The following NCAM1 variants were observed in gnomAD, a reference collection of about 807,000 sequenced individuals.
NCAM1 encodes antigen recognized by monoclonal antibody 5.1H11.
A neutral mutation model predicts 109.8 loss-of-function variants in NCAM1; 14 were observed. The observed-to-expected ratio is 0.13, with a 90% CI of 0.08 to 0.20. NCAM1 has a LOEUF of 0.20. Among genes scored for constraint, NCAM1 ranks in the 10% least tolerant of loss-of-function variants. The probability of loss-of-function intolerance (pLI) is 1.00; values close to 1 mark genes in which losing one functional copy is unlikely to be tolerated. For missense variants in NCAM1, 774 were observed against 1,109.9 expected (o/e 0.70, Z 4.30); for synonymous variants, 418 against 442.9 (o/e 0.94, Z 0.70).
rs182563073 is a variant in NCAM1 at position 113,119,178 on chromosome 11, G to C, written c.53-83201G>C. ...GAGAGAAAGACGCTCTGAAAACTCA[G>C]GCCACTTAGAGGGTTGGGGAGTTCT... On this transcript the variant is annotated intron_variant, in intron 1 of 19. Coordinates refer to ENST00000316851, the MANE Select transcript of NCAM1 (RefSeq NM_181351.5). Among the ~76,000 whole-genome samples, 313 of 150,430 alleles carry C rather than the reference G, an allele frequency of 2.1e-3. 8 individuals carry two copies. The highest frequency in any genetic ancestry group is 7.5e-3 in the African/African-American group (299 of 39,876).
intron 14 of NCAM1, 105 bp from the exon 15 acceptor site, chr11:113,246,263 G>C: frequency 1.5e-6 from 1 of 647,066 alleles, no homozygotes; most frequent in South Asian, 1.7e-5. Context: ...TTTTCCATGT[G>C]ACCTCCTCCA....
rs183602669 is a variant in NCAM1, at chr11:113,175,795, A to G, written c.53-26584A>G. On this transcript the variant is annotated intron_variant, in intron 1 of 19. Transcript: ENST00000316851. ...TTATAATCCCAACATATTTATGCAC[A>G]TGTATAATTATGCATATATAAAAAT... 1.1e-3 allele frequency among the ~76,000 whole-genome samples: 170 copies of G among 152,362 alleles called. 1 individual carries two copies. Among genetic ancestry groups the G allele is most frequent in the South Asian group, 8.9e-3 (43 of 4,830 alleles).
At chr11:113,043,526 A>G (rs1216127654) in intron 1 of NCAM1, among the ~76,000 whole-genome samples, 1 of 152,022 alleles carries the variant, frequency 6.6e-6, no homozygotes, top group Non-Finnish European at 1.5e-5. Context: ...TAGTAGAGAC[A>G]GGGTTTCACC....
chr11:113,202,536 C>G, intron 2 of NCAM1, 83 bp downstream of exon 2: 5 of 1,260,498 alleles, frequency 4.0e-6, no homozygotes, highest in Non-Finnish European at 5.5e-6. Context: ...GCCATGTGAG[C>G]TGGCTGGTCA....
chr11:113,048,219 T>C (rs10891495), intron 1 of NCAM1, among the ~76,000 whole-genome samples: 29,516 of 152,166 alleles, frequency 0.19, 3,116 homozygotes, highest in East Asian at 0.46. Context: ...ACTATTTGGA[T>C]TGGCATTGCT....
chr11:113,176,311 C>A (rs1943142057), intron 1 of NCAM1, among the ~76,000 whole-genome samples: 1 of 152,074 alleles, frequency 6.6e-6, no homozygotes, highest in Non-Finnish European at 1.5e-5. Context: ...TTCTCTGTCG[C>A]CTTTTAAAAG....
Position 112,962,435 on chromosome 11 carries a change from GGTGTGTGCGCGCGCGTGTGCGCGC to G in NCAM1, c.52+778_52+801del, listed in dbSNP as rs779500545. ...GAGGAGGGCGTGATTGGGGCTGCCTGGTGTGTGCGCGCGCGTGTGCGCGCGTGTGTCTTTACACGCGCCGCGTGC... is the reference window on the plus strand; with the variant it reads ...GAGGAGGGCGTGATTGGGGCTGCCTGGTGTGTCTTTACACGCGCCGCGTGC... On this transcript the variant is annotated intron_variant, in intron 1 of 19. Coordinates refer to ENST00000316851, the MANE Select transcript of NCAM1 (RefSeq NM_181351.5). The surrounding 1 kb of genome is among the most constrained non-coding windows in gnomAD (Gnocchi z 5.6). Among the ~76,000 whole-genome samples, 33 of 152,200 alleles carry G rather than the reference GGTGTGTGCGCGCGCGTGTGCGCGC, an allele frequency of 2.2e-4. No individual in the cohort carries two copies. Among genetic ancestry groups the G allele is most frequent in the African/African-American group, 4.1e-4 (17 of 41,560 alleles).
rs1158363113 is a variant in NCAM1 at position 112,962,508 on chromosome 11, A to G, written c.52+844A>G. 1.3e-5 allele frequency among the ~76,000 whole-genome samples: 2 copies of G among 151,510 alleles called. No homozygotes were observed. The highest frequency in any genetic ancestry group is 1.3e-4 in the Admixed American group (2 of 15,256). ...GCCCAGTGTTGCACGGGGCGGGAGA[A>G]GAATGGCAGGTAGCCGCCCGAAACA... On this transcript the variant is annotated intron_variant, in intron 1 of 19. Transcript: ENST00000316851. The surrounding 1 kb of genome is among the most constrained non-coding windows in gnomAD (Gnocchi z 5.6).
chr11:113,229,682 C>T (rs1449870402), intron 9 of NCAM1, among the ~76,000 whole-genome samples: 1 of 152,174 alleles, frequency 6.6e-6, no homozygotes, highest in African/African-American at 2.4e-5. Flanking sequence ...TGGAACCAAC[C>T]CAAATGTCCA....
intron 11 of NCAM1, 143 bp downstream of exon 11, chr11:113,232,497 T>A: frequency 1.1e-6 from 1 of 930,608 alleles, no homozygotes; most frequent in Admixed American, 2.8e-5. Context: ...ACACTGAGCC[T>A]CTTTTCAGCT....
At chr11:113,016,120 A>G (rs1290997544) in intron 1 of NCAM1, among the ~76,000 whole-genome samples, 15 of 152,218 alleles carry the variant, frequency 9.9e-5, no homozygotes, top group Non-Finnish European at 4.4e-5. Flanking sequence ...TATGAAGCCC[A>G]TTCATGGATC....
At chr11:113,142,290 T>C (rs1941858738) in intron 1 of NCAM1, among the ~76,000 whole-genome samples, 1 of 152,200 alleles carries the variant, frequency 6.6e-6, no homozygotes, top group Non-Finnish European at 1.5e-5. Flanking sequence ...ATGAGCAGGC[T>C]TTTTGACATT....
At chr11:113,051,103 C>T (rs1328803096) in intron 1 of NCAM1, among the ~76,000 whole-genome samples, 4 of 152,148 alleles carry the variant, frequency 2.6e-5, no homozygotes, top group African/African-American at 9.7e-5. Flanking sequence ...TAAATTTCTA[C>T]TAGGTCATGT....
intron 1 of NCAM1, among the ~76,000 whole-genome samples, chr11:113,140,270 G>A (rs1170673739): frequency 1.3e-5 from 2 of 152,116 alleles, no homozygotes; most frequent in East Asian, 3.9e-4. Flanking sequence ...GATTATCTTG[G>A]AGGTCTTCTA....
chr11:113,202,234 C>A, intron 1 of NCAM1, 145 bp from the exon 2 acceptor site: 1 of 805,834 alleles, frequency 1.2e-6, no homozygotes, highest in Non-Finnish European at 1.9e-6. Flanking sequence ...CTCCTCCCTT[C>A]ACTCTTTCTT....
At chr11:113,236,393 G>C in intron 14 of NCAM1, 1 of 1,528,866 alleles carries the variant, frequency 6.5e-7, no homozygotes, top group Non-Finnish European at 9.1e-7. Context: ...TTTAGTTCTG[G>C]TCCCTTTTTT....
chr11:113,189,021 A>G (rs935804218), intron 1 of NCAM1, among the ~76,000 whole-genome samples: 2 of 152,150 alleles, frequency 1.3e-5, no homozygotes, highest in Non-Finnish European at 2.9e-5. Flanking sequence ...ACCTCCCCTG[A>G]AAAGAGTTTG....
chr11:113,191,567 C>A (rs1380537756), intron 1 of NCAM1, among the ~76,000 whole-genome samples: 1 of 152,146 alleles, frequency 6.6e-6, no homozygotes, highest in Non-Finnish European at 1.5e-5. Context: ...GCCTTGTGGC[C>A]TTGGGCTGGT....
In NCAM1 at chr11:113,044,414, G is replaced by A. The variant is rs73566645; in HGVS notation, c.52+82750G>A. On this transcript the variant is annotated intron_variant, in intron 1 of 19. Coordinates refer to ENST00000316851, the MANE Select transcript of NCAM1 (RefSeq NM_181351.5). Reference sequence around the variant, plus strand: ...AAACATGATTTGTAGGCTGGGTGTGGTGGCTCATGCCTGCAATCCCAGCAC... The same window carrying A: ...AAACATGATTTGTAGGCTGGGTGTGATGGCTCATGCCTGCAATCCCAGCAC... Among the ~76,000 whole-genome samples the A allele has an allele frequency of 4.1e-3, 619 of 152,238 alleles. 6 individuals carry two copies. The highest frequency in any genetic ancestry group is 0.014 in the African/African-American group (584 of 41,532).
Sources: gnomAD v4.1 joint callset for allele counts (sites outside exome capture counted in the v4.1 genomes callset) on GRCh38, gnomAD v4.1.1 for gene constraint, Gnocchi (gnomAD v3.1) non-coding constraint, MANE v1.5 for transcripts, NCBI Gene and HGNC (gene_info 2026-07-23, HGNC 2026-07-21) for gene names.